Variants in ABHD16A observed in about 807,000 individuals in gnomAD.
The protein encoded by ABHD16A is abhydrolase domain containing 16A, phospholipase, also known as phosphatidylserine lipase ABHD16A.
ABHD16A carries 47 observed loss-of-function variants against 89.8 expected under a neutral mutation model. The ratio of observed to expected loss-of-function variants is 0.52; its 90% CI spans 0.41 to 0.67. The LOEUF (loss-of-function observed/expected upper bound fraction) is 0.67. ABHD16A is among the 30% of genes least tolerant of loss of function. ABHD16A has a pLI of 0.00. For synonymous variants in ABHD16A, 251 were observed against 280.4 expected, an observed-to-expected ratio of 0.90 and a Z score of 1.05; for missense variants, 580 against 734.6, an observed-to-expected ratio of 0.79 and a Z score of 2.43.
rs769506004 is a variant in ABHD16A, at chr6:31,687,179, C to T, written c.*33G>A. ...GGGTCTTTCCTCATGTCTCCTCTCA[C>T]CCCATTCTTCCATAATGAGTCCCAG... is the stretch of plus-strand genomic sequence containing the variant. On this transcript the variant is annotated 3_prime_UTR_variant, in exon 20 of 20. Transcript: ENST00000395952. This position sits in a 1 kb window ranked among gnomAD's most constrained non-coding sequence, Gnocchi z 6.3. 2.5e-6 allele frequency: 4 copies of T among 1,574,262 alleles called. No homozygotes were observed. The highest frequency in any genetic ancestry group is 1.4e-5 in the African/African-American group (1 of 73,984).
intron 12 of ABHD16A, 98 bp from the exon 13 acceptor site, chr6:31,689,217 T>G: frequency 1.9e-6 from 2 of 1,070,538 alleles, no homozygotes; most frequent in Non-Finnish European, 2.7e-6. Flanking sequence ...GCCAACCCCA[T>G]TCCCCCTATG....
In ABHD16A at chr6:31,688,333, A is replaced by G. The variant is rs1267637631; in HGVS notation, c.1251-28T>C. The G allele has an allele frequency of 3.7e-6, 6 of 1,610,444 alleles. No homozygotes were observed. Among genetic ancestry groups the G allele is most frequent in the African/African-American group, 1.3e-5 (1 of 74,798 alleles). On this transcript the variant is annotated intron_variant, in intron 14 of 19. Transcript: ENST00000395952. The surrounding 1 kb of genome is among the most constrained non-coding windows in gnomAD (Gnocchi z 4.9). ...TCAGAGAACAGAGCAGTGGGAAGGG[A>G]GAGCTCAGAGGGAGACGGGTGACAA... is the stretch of plus-strand genomic sequence containing the variant.
At position 31,687,586 on chromosome 6, in the gene ABHD16A, A is replaced by G; in HGVS notation, c.1547-42T>C. The G allele has an allele frequency of 6.2e-7, 1 of 1,612,960 alleles. No homozygotes were observed. Among genetic ancestry groups the G allele is most frequent in the African/African-American group, 1.3e-5 (1 of 75,012 alleles). ...CTCAAAATAGGCCACACATCTGGGT[A>G]TTCATCCCCTTCCTAGGCCCTTCCC... is the stretch of plus-strand genomic sequence containing the variant. On this transcript the variant is annotated intron_variant, in intron 18 of 19. Transcript: ENST00000395952. The surrounding 1 kb of genome is among the most constrained non-coding windows in gnomAD (Gnocchi z 6.3).
chr6:31,696,910 T>C lies in ABHD16A; in HGVS notation c.429+38A>G, dbSNP rs369035898. ...TGAGGGACAACTGAGAAAGCTGCTA[T>C]TGGGTGCCTGTGTGGCACTTTTCCT... On this transcript the variant is annotated intron_variant, in intron 5 of 19. Coordinates refer to ENST00000395952, the MANE Select transcript of ABHD16A (RefSeq NM_021160.3). 51 of 1,569,362 alleles carry C rather than the reference T, an allele frequency of 3.2e-5. 1 individual carries two copies. The South Asian group carries it at 4.9e-4, about 15-fold the overall frequency.
intron 7 of ABHD16A, chr6:31,692,174 TGA>T (rs1803950066): frequency 4.7e-6 from 2 of 422,074 alleles, no homozygotes; most frequent in African/African-American, 2.0e-5. Flanking sequence ...TACAGAATTC[TGA>T]GAGTTTTATG....
chr6:31,689,757 C>G, intron 11 of ABHD16A, 53 bp from the exon 12 acceptor site: 1 of 1,567,478 alleles, frequency 6.4e-7, no homozygotes, highest in Non-Finnish European at 8.6e-7. Flanking sequence ...GGCCAGCTCA[C>G]CTGTCCCTCC....
At chr6:31,693,000 G>A (rs1343597544) in intron 7 of ABHD16A, 27 bp downstream of exon 7, 3 of 1,614,224 alleles carry the variant, frequency 1.9e-6, no homozygotes, top group Middle Eastern at 1.6e-4. Flanking sequence ...CCACCCCAGT[G>A]GGCCTCTCCT....
chr6:31,693,448 G>A lies in ABHD16A; in HGVS notation c.430-16C>T. On this transcript the variant is annotated splice_polypyrimidine_tract_variant and intron_variant, in intron 5 of 19. Transcript: ENST00000395952. This position sits in a 1 kb window ranked among gnomAD's most constrained non-coding sequence, Gnocchi z 5.0. ...CAAGCTGCCTCTGCAGTGGGCACGA[G>A]AGGCAAAGGGGTACTGAGAACTCAG... The A allele has an allele frequency of 6.2e-7, 1 of 1,612,614 alleles. No individual in the cohort carries two copies. The highest frequency in any genetic ancestry group is 8.5e-7 in the Non-Finnish European group (1 of 1,179,832).
In ABHD16A at chr6:31,688,961, C is replaced by G; in HGVS notation, c.1186+54G>C. On this transcript the variant is annotated intron_variant, in intron 13 of 19. Coordinates refer to ENST00000395952, the MANE Select transcript of ABHD16A (RefSeq NM_021160.3). The surrounding 1 kb of genome is among the most constrained non-coding windows in gnomAD (Gnocchi z 4.9). ...AAAAGGGAGCCATCTCAGAACAGTT[C>G]CCAGTTCCAGCCCACCCCTTCCCAG... is the stretch of plus-strand genomic sequence containing the variant. 1 of 1,547,374 alleles carries G rather than the reference C, an allele frequency of 6.5e-7. No homozygotes were observed. Among genetic ancestry groups the G allele is most frequent in the South Asian group, 1.2e-5 (1 of 86,076 alleles).
At chr6:31,703,023 A>G in intron 1 of ABHD16A, 127 bp downstream of exon 1, 1 of 1,360,620 alleles carries the variant, frequency 7.3e-7, no homozygotes, top group Admixed American at 3.1e-5. Context: ...CAGAGCGCAG[A>G]TTTTGCGGAT....
chr6:31,700,444 A>C (rs1432195589), intron 4 of ABHD16A, among the ~76,000 whole-genome samples: 1 of 152,144 alleles, frequency 6.6e-6, no homozygotes, highest in Non-Finnish European at 1.5e-5. Flanking sequence ...TATTTTATCC[A>C]TCCTACTATT....
At position 31,703,169 on chromosome 6, in the gene ABHD16A, G is replaced by C; in HGVS notation, c.113C>G (p.Ala38Gly). ...ACTCACCCAGGAGCTGGAATGGGGG[G>C]CAGTGACTGCCGTTGGCGTCTCAGG... ...SVPETPTAVT[A>G]PHSSSWDTYY... Residue 38 changes from alanine (A) to glycine (G), a missense_variant, in exon 1 of 20, where the codon GCC becomes GGC. Around this residue, in one of 2 missense-constraint regions of ABHD16A, gnomAD observed 165 missense variants for 165.8 expected, o/e 1.00. Transcript: ENST00000395952. 1 of 1,434,462 alleles carries C rather than the reference G, an allele frequency of 7.0e-7. No individual in the cohort carries two copies. The highest frequency in any genetic ancestry group is 2.7e-5 in the Admixed American group (1 of 37,560). The allele number at this position is 1,434,462 out of a possible 1,614,324, so 88.9% of individuals were successfully genotyped here. A position where few individuals can be genotyped will look rare whatever the true frequency, so the allele number is the denominator to read the frequency against.
rs546061480 is a variant in ABHD16A, at chr6:31,702,844, T to C, written c.132+306A>G. On this transcript the variant is annotated intron_variant, in intron 1 of 19. Coordinates refer to ENST00000395952, the MANE Select transcript of ABHD16A (RefSeq NM_021160.3). Reference sequence around the variant, plus strand: ...GGCTCCCCAGTCCGCGCAGGGTCTCTTCCCGGGACTCAAGACTCAACTGGG... The same window carrying C: ...GGCTCCCCAGTCCGCGCAGGGTCTCCTCCCGGGACTCAAGACTCAACTGGG... The C allele has an allele frequency of 1.3e-3, 1,789 of 1,380,120 alleles. 3 individuals carry two copies. The highest frequency in any genetic ancestry group is 1.5e-3 in the Non-Finnish European group (1,635 of 1,062,722). 85.5% of individuals were successfully genotyped at this position (1,380,120 alleles called of 1,614,324 possible).
Position 31,700,978 on chromosome 6 carries a change from A to G in ABHD16A, c.307T>C (p.Leu103=), listed in dbSNP as rs770619494. 65 of 1,613,854 alleles carry G rather than the reference A, an allele frequency of 4.0e-5. No homozygotes were observed. Among genetic ancestry groups the G allele is most frequent in the Non-Finnish European group, 5.1e-5 (60 of 1,179,970 alleles). ...VVPFSHYAGT[L]LLLLAGVACL... is the part of the protein sequence containing the mutation. ...GCCACACCTGCCAGAAGTAGCAGCA[A>G]TGTCCCAGCATAGTGAGAAAACGGC... The change falls in exon 4 of 20, where the codon TTG becomes CTG. Residue 103 remains leucine (L), a synonymous_variant. Coordinates refer to ENST00000395952, the MANE Select transcript of ABHD16A (RefSeq NM_021160.3).
chr6:31,691,775 T>G, intron 8 of ABHD16A, 29 bp downstream of exon 8: 1 of 1,594,174 alleles, frequency 6.3e-7, no homozygotes, highest in Non-Finnish European at 8.5e-7. Flanking sequence ...GGGAGGGCTT[T>G]AGGGGATGTG....
chr6:31,699,982 T>G (rs1037326860), intron 4 of ABHD16A, among the ~76,000 whole-genome samples: 3 of 152,062 alleles, frequency 2.0e-5, no homozygotes, highest in Non-Finnish European at 2.9e-5. Flanking sequence ...TCCTGACCTC[T>G]GGTGATCTGC....
At chr6:31,702,482 G>A in intron 1 of ABHD16A, 1 of 949,510 alleles carries the variant, frequency 1.1e-6, no homozygotes, top group Non-Finnish European at 1.5e-6. Context: ...AATCTAAGAA[G>A]GAAAGAAAAG....
intron 3 of ABHD16A, 31 bp from the exon 4 acceptor site, chr6:31,701,059 T>A: frequency 6.4e-7 from 1 of 1,561,940 alleles, no homozygotes. Context: ...TGTGAGACCC[T>A]CTCCGCAATG....
Position 31,687,298 on chromosome 6 carries a change from G to C in ABHD16A, c.1594-3C>G, listed in dbSNP as rs1803386362. ...AAGTTGTGCAGATGCTTCCGAGCCT[G>C]AGGAAAGGAGGTGGGACAGGTGGGG... On this transcript the variant is annotated splice_polypyrimidine_tract_variant and splice_region_variant and intron_variant, in intron 19 of 19. Transcript: ENST00000395952. This position sits in a 1 kb window ranked among gnomAD's most constrained non-coding sequence, Gnocchi z 6.3. 6.2e-7 allele frequency: 1 copy of C among 1,612,774 alleles called. No homozygotes were observed. Among genetic ancestry groups the C allele is most frequent in the African/African-American group, 1.3e-5 (1 of 74,890 alleles).
Sources: gnomAD v4.1 joint callset for allele counts (sites outside exome capture counted in the v4.1 genomes callset) on GRCh38, gnomAD v4.1.1 for gene constraint, gnomAD v4.1.1 regional missense constraint, Gnocchi (gnomAD v3.1) non-coding constraint, MANE v1.5 for transcripts, NCBI Gene and HGNC (gene_info 2026-07-23, HGNC 2026-07-21) for gene names.